The following LRP1B variants were observed in gnomAD, a reference collection of about 807,000 sequenced individuals.
LRP1B encodes LDL receptor related protein 1B.
Under a neutral mutation model 556.6 loss-of-function variants are expected in LRP1B, and 217 were observed. The observed-to-expected ratio is 0.39, with a 90% CI of 0.35 to 0.44. The LOEUF (loss-of-function observed/expected upper bound fraction) is 0.44. Ranked by LOEUF, LRP1B falls within the 20% of genes least tolerant of loss-of-function variation. LRP1B has a pLI of 1.00. For synonymous variants in LRP1B, 2,047 were observed against 1,865.8 expected, an observed-to-expected ratio of 1.10 and a Z score of -2.50; for missense variants, 5,053 against 5,620.8, an observed-to-expected ratio of 0.90 and a Z score of 3.23.
At chr2:140,307,502 C>T (rs1684118378) in intron 83 of LRP1B, among the ~76,000 whole-genome samples, 2 of 151,718 alleles carry the variant, frequency 1.3e-5, no homozygotes, top group Non-Finnish European at 3.0e-5. Context: ...TACTTTTGGA[C>T]ATAAGATGCT....
chr2:141,771,841 G>T (rs545117271), intron 2 of LRP1B, among the ~76,000 whole-genome samples: 1 of 152,040 alleles, frequency 6.6e-6, no homozygotes, highest in Admixed American at 6.6e-5. Context: ...TTTTTGCGAT[G>T]AAGTTTTGCT....
chr2:140,707,315 C>T (rs1165126699), intron 37 of LRP1B, among the ~76,000 whole-genome samples: 1 of 152,076 alleles, frequency 6.6e-6, no homozygotes, highest in Non-Finnish European at 1.5e-5. Context: ...GGCAGTTGGC[C>T]TTGGTCAAGA....
At chr2:141,913,490 T>C (rs1266804171) in intron 1 of LRP1B, among the ~76,000 whole-genome samples, 1 of 152,188 alleles carries the variant, frequency 6.6e-6, no homozygotes, top group Non-Finnish European at 1.5e-5. Context: ...TTGGCTAATA[T>C]AGGGGGATTT....
At chr2:140,419,683 C>T (rs13386709) in intron 66 of LRP1B, among the ~76,000 whole-genome samples, 1 of 152,076 alleles carries the variant, frequency 6.6e-6, no homozygotes, top group African/African-American at 2.4e-5. Context: ...ACAATATATT[C>T]TAAATAACTC....
At chr2:140,266,928 G>A (rs1284649436) in intron 86 of LRP1B, among the ~76,000 whole-genome samples, 1 of 152,028 alleles carries the variant, frequency 6.6e-6, no homozygotes, top group Admixed American at 6.6e-5. Flanking sequence ...TCTTGAGGTT[G>A]TTACAGCATA....
chr2:140,424,411 G>C (rs911959252), intron 66 of LRP1B, among the ~76,000 whole-genome samples: 2 of 152,056 alleles, frequency 1.3e-5, no homozygotes, highest in African/African-American at 2.4e-5. Flanking sequence ...TTTGTCTCTG[G>C]ATTCATGATA....
At chr2:141,520,680 A>T (rs191177276) in intron 2 of LRP1B, among the ~76,000 whole-genome samples, 1 of 152,210 alleles carries the variant, frequency 6.6e-6, no homozygotes, top group East Asian at 1.9e-4. Context: ...TGTTTTCAAA[A>T]GCTTTTTGCT....
chr2:142,126,611 T>G (rs1707664657), intron 1 of LRP1B, among the ~76,000 whole-genome samples: 1 of 151,912 alleles, frequency 6.6e-6, no homozygotes, highest in South Asian at 2.1e-4. Flanking sequence ...TGTACAAGAA[T>G]TGTTTTGACA....
Position 140,449,423 on chromosome 2 carries a change from T to A in LRP1B, c.10057+1145A>T, listed in dbSNP as rs139473904. On this transcript the variant is annotated intron_variant, in intron 63 of 90. Transcript: ENST00000389484. ...GAAAAGAATAATTCAGGAATAATAGTGTACTTATCCCACAGAGATACTACC... is the reference window on the plus strand; with the variant it reads ...GAAAAGAATAATTCAGGAATAATAGAGTACTTATCCCACAGAGATACTACC... 5.1e-3 allele frequency among the ~76,000 whole-genome samples: 776 copies of A among 152,256 alleles called. 7 individuals are homozygous for A. The highest frequency in any genetic ancestry group is 0.017 in the African/African-American group (723 of 41,578).
At chr2:141,686,499 A>G (rs1268522098) in intron 2 of LRP1B, among the ~76,000 whole-genome samples, 1 of 151,954 alleles carries the variant, frequency 6.6e-6, no homozygotes, top group Non-Finnish European at 1.5e-5. Flanking sequence ...AAATTTTATT[A>G]ATAGTCTAAT....
At chr2:141,794,296 T>G (rs1317037714) in intron 2 of LRP1B, among the ~76,000 whole-genome samples, 1 of 152,000 alleles carries the variant, frequency 6.6e-6, no homozygotes, top group Admixed American at 6.6e-5. Context: ...TTATTTTTGA[T>G]ATCAGGAGAG....
At chr2:140,817,959 A>G (rs1691185929) in intron 31 of LRP1B, among the ~76,000 whole-genome samples, 1 of 152,126 alleles carries the variant, frequency 6.6e-6, no homozygotes, top group South Asian at 2.1e-4. Flanking sequence ...AGTCCACAAA[A>G]TTTCAGTTTA....
chr2:141,229,497 G>A, intron 5 of LRP1B, 57 bp from the exon 6 acceptor site: 2 of 1,277,854 alleles, frequency 1.6e-6, no homozygotes, highest in East Asian at 2.4e-5. Context: ...TTATTTTACA[G>A]TTTTGCCCTA....
rs899291952 is a variant in LRP1B, at chr2:140,400,986, T to C, written c.10415-14977A>G. 2.3e-4 allele frequency among the ~76,000 whole-genome samples: 35 copies of C among 152,174 alleles called. 1 individual carries two copies. On this transcript the variant is annotated intron_variant, in intron 66 of 90. Coordinates refer to ENST00000389484, the MANE Select transcript of LRP1B (RefSeq NM_018557.3). The stretch of plus-strand genomic sequence containing the variant: ...CTTGGCGGTATTTCCAGTCTCAGTG[T>C]AAACTAAGGGAAGCCATTCCTTATT...
At chr2:140,349,500 ATTAT>A (rs1427025849) in intron 77 of LRP1B, among the ~76,000 whole-genome samples, 2 of 151,788 alleles carry the variant, frequency 1.3e-5, no homozygotes, top group African/African-American at 2.4e-5. Flanking sequence ...ATTAATGTAT[ATTAT>A]TTATTAGTTG....
At chr2:142,038,537 A>G (rs1413738659) in intron 1 of LRP1B, among the ~76,000 whole-genome samples, 1 of 151,572 alleles carries the variant, frequency 6.6e-6, no homozygotes, top group Non-Finnish European at 1.5e-5. Context: ...TTTATTATTT[A>G]TGTCACTTAA....
At chr2:141,482,529 T>C (rs2105094045) in intron 2 of LRP1B, among the ~76,000 whole-genome samples, 1 of 152,146 alleles carries the variant, frequency 6.6e-6, no homozygotes, top group Non-Finnish European at 1.5e-5. Flanking sequence ...TATATATTAA[T>C]AATTTGTATA....
intron 11 of LRP1B, among the ~76,000 whole-genome samples, chr2:141,030,282 T>C (rs1489637490): frequency 6.6e-6 from 1 of 152,128 alleles, no homozygotes; most frequent in East Asian, 1.9e-4. Context: ...ATGTTAAACA[T>C]GGCATGAATA....
Position 140,716,032 on chromosome 2 carries a change from A to G in LRP1B, c.5964T>C (p.Tyr1988=). Residue 1988 remains tyrosine, a synonymous_variant, in exon 37 of 91, where the codon TAT becomes TAC. Coordinates refer to ENST00000389484, the MANE Select transcript of LRP1B (RefSeq NM_018557.3). The part of the protein sequence containing the change: ...EVARLNGSFR[Y]VIISQGLDQP... ...GATCCAGGCCTTGGGAAATAATTAC[A>G]TAACGGAAAGAACCATTGAGTCTTG... The G allele has an allele frequency of 3.1e-6, 5 of 1,610,180 alleles. No homozygotes were observed. The highest frequency in any genetic ancestry group is 4.2e-6 in the Non-Finnish European group (5 of 1,177,016).
Sources: allele counts gnomAD v4.1 joint callset (sites outside exome capture counted in the v4.1 genomes callset), GRCh38; gene constraint gnomAD v4.1.1; transcripts MANE v1.5; gene names NCBI Gene and HGNC (gene_info 2026-07-23, HGNC 2026-07-21).